Variants in TSPEAR observed in about 807,000 individuals in gnomAD.
The protein encoded by TSPEAR is thrombospondin type laminin G domain and EAR repeats, also known as thrombospondin-type laminin G domain and EAR repeat-containing protein.
In TSPEAR, 69 loss-of-function variants were observed where a neutral mutation model predicts 71.6. The ratio of observed to expected loss-of-function variants is 0.96; its 90% confidence interval spans 0.79 to 1.18. TSPEAR has a LOEUF of 1.18. Among genes scored for constraint, TSPEAR ranks in the 50% most tolerant of loss-of-function variants. The pLI is 0.00. For synonymous variants in TSPEAR, 402 were observed against 387.2 expected (o/e 1.04, Z -0.45); for missense variants, 971 against 894.9 (o/e 1.09, Z -1.09).
intron 7 of TSPEAR, among the ~76,000 whole-genome samples, chr21:44,526,592 G>A (rs1015284266): frequency 1.3e-5 from 2 of 152,210 alleles, no homozygotes; most frequent in Admixed American, 1.3e-4. Context: ...GTTTCCATCT[G>A]CTGTGTTCAC....
intron 2 of TSPEAR, chr21:44,558,748 C>CGTGAGTGAGTGA (rs782190680): frequency 2.5e-6 from 4 of 1,571,600 alleles, no homozygotes; most frequent in Admixed American, 1.8e-5. Context: ...CTGGGGGAGA[C>CGTGAGTGAGTGA]GTGAGTGAGT....
chr21:44,590,387 G>A (rs1008430365), intron 1 of TSPEAR, among the ~76,000 whole-genome samples: 17 of 152,126 alleles, frequency 1.1e-4, no homozygotes, highest in Non-Finnish European at 2.1e-4. Context: ...CTCGGGGTCA[G>A]AGTCCAGGAC....
intron 1 of TSPEAR, chr21:44,573,761 G>A: frequency 6.2e-7 from 1 of 1,613,174 alleles, no homozygotes; most frequent in African/African-American, 1.3e-5. Flanking sequence ...CATCCACCAT[G>A]TCCGTCTGCT....
At chr21:44,677,001 GACTT>G in intron 1 of TSPEAR, 1 of 902,692 alleles carries the variant, frequency 1.1e-6, no homozygotes, top group Non-Finnish European at 1.9e-6. Context: ...ACCCAGGAAG[GACTT>G]CTGGAGTAAT....
Position 44,695,813 on chromosome 21 carries a change from C to T in TSPEAR, c.82+15620G>A, listed in dbSNP as rs1471710925. Among the ~76,000 whole-genome samples, 1 of 152,110 alleles carries T rather than the reference C, an allele frequency of 6.6e-6. No individual in the cohort carries two copies. Among genetic ancestry groups the T allele is most frequent in the Non-Finnish European group, 1.5e-5 (1 of 68,026 alleles). On this transcript the variant is annotated intron_variant, in intron 1 of 11. Transcript: ENST00000323084. This position sits in a 1 kb window ranked among gnomAD's most constrained non-coding sequence, Gnocchi z 4.5. ...TGTTTACAACGCAGAGACCAGCAGA[C>T]ACCACACACCAGGGCTTTTCACTTC...
intron 5 of TSPEAR, among the ~76,000 whole-genome samples, chr21:44,529,417 C>T (rs1282237616): frequency 6.6e-6 from 1 of 151,894 alleles, no homozygotes; most frequent in Non-Finnish European, 1.5e-5. Context: ...GGGACAGAGG[C>T]GGGGTGGGGA....
At chr21:44,648,573 G>A (rs193139358) in intron 1 of TSPEAR, among the ~76,000 whole-genome samples, 2 of 152,336 alleles carry the variant, frequency 1.3e-5, no homozygotes, top group Admixed American at 6.5e-5. Flanking sequence ...AAGAGGGGGA[G>A]ATGTTTCCAC....
intron 1 of TSPEAR, chr21:44,591,797 C>A: frequency 6.3e-7 from 1 of 1,585,636 alleles, no homozygotes. Flanking sequence ...CAGACGGGCA[C>A]GCAGCAGGCC....
intron 1 of TSPEAR, among the ~76,000 whole-genome samples, chr21:44,649,794 C>T (rs587620588): frequency 2.0e-5 from 3 of 152,316 alleles, no homozygotes; most frequent in African/African-American, 7.2e-5. Context: ...CCCAGCCACG[C>T]GGATTCTCAG....
At chr21:44,525,541 G>T in intron 8 of TSPEAR, 112 bp downstream of exon 8, 2 of 1,148,904 alleles carry the variant, frequency 1.7e-6, no homozygotes, top group East Asian at 2.3e-5. Flanking sequence ...TGTTCACCCT[G>T]TGCTGCATGT....
At chr21:44,596,805 T>C (rs1980395242) in intron 1 of TSPEAR, among the ~76,000 whole-genome samples, 1 of 152,274 alleles carries the variant, frequency 6.6e-6, no homozygotes, top group Non-Finnish European at 1.5e-5. Context: ...CAATTGTCTC[T>C]GTATCCTTTG....
intron 1 of TSPEAR, among the ~76,000 whole-genome samples, chr21:44,647,986 C>T (rs782401501): frequency 6.6e-6 from 1 of 152,220 alleles, no homozygotes; most frequent in Non-Finnish European, 1.5e-5. Flanking sequence ...GCAGAAATCC[C>T]GTTCAGTTGG....
intron 1 of TSPEAR, among the ~76,000 whole-genome samples, chr21:44,575,528 G>A (rs2146090722): frequency 6.6e-6 from 1 of 152,340 alleles, no homozygotes; most frequent in African/African-American, 2.4e-5. Flanking sequence ...ATGGACGCGG[G>A]GAGCCTTGCA....
At chr21:44,630,308 A>G (rs1431716497) in intron 1 of TSPEAR, among the ~76,000 whole-genome samples, 1 of 152,182 alleles carries the variant, frequency 6.6e-6, no homozygotes, top group Non-Finnish European at 1.5e-5. Context: ...TATTTCGCCA[A>G]CTCAGATTCC....
chr21:44,623,632 A>C lies in TSPEAR; in HGVS notation c.83-55627T>G, dbSNP rs912342392. 1.3e-5 allele frequency among the ~76,000 whole-genome samples: 2 copies of C among 152,162 alleles called. No individual in the cohort carries two copies. Among genetic ancestry groups the C allele is most frequent in the African/African-American group, 4.8e-5 (2 of 41,424 alleles). On this transcript the variant is annotated intron_variant, in intron 1 of 11. Transcript: ENST00000323084. This position sits in a 1 kb window ranked among gnomAD's most constrained non-coding sequence, Gnocchi z 4.5. ...CCTACTGGTGACACAACCTCTCAGCATCCAGAGAACATCATTTTCCTGTCC... is the reference window on the plus strand; with the variant it reads ...CCTACTGGTGACACAACCTCTCAGCCTCCAGAGAACATCATTTTCCTGTCC...
At chr21:44,547,943 C>T (rs2053328202) in intron 2 of TSPEAR, among the ~76,000 whole-genome samples, 4 of 152,200 alleles carry the variant, frequency 2.6e-5, no homozygotes, top group Admixed American at 1.3e-4. Context: ...TCTGGACTCC[C>T]AAGAGTAAGT....
rs1306331669 is a variant in TSPEAR at position 44,558,339 on chromosome 21, A to G, written c.303+9446T>C. ...AGAGGAAGCCCCAGAGCAGACGGGC[A>G]CACAGCAGATGGGCTTGCAGCAGAC... On this transcript the variant is annotated intron_variant, in intron 2 of 11. Coordinates refer to ENST00000323084, the MANE Select transcript of TSPEAR (RefSeq NM_144991.3). 6 of 1,613,142 alleles carry G rather than the reference A, an allele frequency of 3.7e-6. No homozygotes were observed. The Admixed American group carries it at 6.7e-5, about 18-fold the overall frequency.
chr21:44,676,941 A>G, intron 1 of TSPEAR: 12 of 896,884 alleles, frequency 1.3e-5, no homozygotes, highest in Non-Finnish European at 2.3e-5. Flanking sequence ...GGGAGTTCAG[A>G]TCATCAGTAG....
At chr21:44,542,783 G>GA (rs1159247515) in intron 2 of TSPEAR, among the ~76,000 whole-genome samples, 7 of 141,810 alleles carry the variant, frequency 4.9e-5, no homozygotes, top group African/African-American at 1.6e-4. Flanking sequence ...AAAAGAAAAA[G>GA]AAAAAAAGGA....
Sources: gnomAD v4.1 joint callset for allele counts (sites outside exome capture counted in the v4.1 genomes callset) on GRCh38, gnomAD v4.1.1 for gene constraint, Gnocchi (gnomAD v3.1) non-coding constraint, MANE v1.5 for transcripts, NCBI Gene and HGNC (gene_info 2026-07-23, HGNC 2026-07-21) for gene names.